The following RAD51AP1 variants were observed in gnomAD, a reference collection of about 807,000 sequenced individuals.
RAD51AP1 encodes RAD51 associated protein 1.
RAD51AP1 carries 14 observed loss-of-function variants against 34.3 expected under a neutral mutation model. The observed-to-expected ratio is 0.41, with a 90% CI of 0.27 to 0.64. RAD51AP1 has a LOEUF of 0.64. RAD51AP1 is among the 30% of genes least tolerant of loss of function. The pLI, the probability that RAD51AP1 is intolerant of heterozygous loss-of-function variation, is 0.33. For missense variants in RAD51AP1, 348 were observed against 386.9 expected, an observed-to-expected ratio of 0.90 and a Z score of 0.84; for synonymous variants, 114 against 129.8, an observed-to-expected ratio of 0.88 and a Z score of 0.83.
chr12:4,541,886 A>G lies in RAD51AP1; in HGVS notation c.20A>G (p.His7Arg), dbSNP rs536774925. 2.0e-6 allele frequency: 3 copies of G among 1,507,296 alleles called. No homozygotes were observed. The highest frequency in any genetic ancestry group is 2.0e-5 in the Admixed American group (1 of 50,614). The allele number at this position is 1,507,296 out of a possible 1,614,324, so 93.4% of individuals were successfully genotyped here. A position where few individuals can be genotyped will look rare whatever the true frequency, so the allele number is the denominator to read the frequency against. Residue 7 changes from histidine to arginine, a missense_variant and splice_region_variant, in exon 2 of 9, where the codon CAT becomes CGT. Coordinates refer to ENST00000352618, the MANE Select transcript of RAD51AP1 (RefSeq NM_006479.5). MVRPVR[H>R]KKPVNYSQFD... Reference sequence around the variant, plus strand: ...AAAAAATTCTGTTTTGGTCATAGACATAAGAAACCAGTCAATTACTCACAG... The same window carrying G: ...AAAAAATTCTGTTTTGGTCATAGACGTAAGAAACCAGTCAATTACTCACAG...
intron 6 of RAD51AP1, among the ~76,000 whole-genome samples, chr12:4,549,097 T>C (rs1217590008): frequency 6.6e-6 from 1 of 152,224 alleles, no homozygotes; most frequent in Non-Finnish European, 1.5e-5. Flanking sequence ...AGAAAGGCAT[T>C]ACCTGTGGAA....
intron 6 of RAD51AP1, among the ~76,000 whole-genome samples, chr12:4,550,249 T>C (rs556470178): frequency 1.3e-5 from 2 of 152,244 alleles, no homozygotes; most frequent in Non-Finnish European, 2.9e-5. Flanking sequence ...CTGAACAAGC[T>C]TGTTACACAG....
At position 4,559,997 on chromosome 12, in the gene RAD51AP1, T is replaced by A. The variant is rs1452613046; in HGVS notation, c.*1004T>A. Reference sequence around the variant, plus strand: ...TCTTGGTTTATGGAAATATCTATATTAATGTGAAAATAATTAATTTAGAAT... The same window carrying A: ...TCTTGGTTTATGGAAATATCTATATAAATGTGAAAATAATTAATTTAGAAT... On this transcript the variant is annotated 3_prime_UTR_variant, in exon 9 of 9. Transcript: ENST00000352618. 2 of 152,248 alleles carry A rather than the reference T, an allele frequency of 1.3e-5. No homozygotes were observed. Among genetic ancestry groups the A allele is most frequent in the African/African-American group, 4.8e-5 (2 of 41,450 alleles). The allele number at this position is 152,248 out of a possible 1,614,324, so 9.4% of individuals were successfully genotyped here.
intron 4 of RAD51AP1, among the ~76,000 whole-genome samples, chr12:4,546,938 A>C (rs1321749232): frequency 2.0e-5 from 3 of 152,326 alleles, no homozygotes; most frequent in Non-Finnish European, 2.9e-5. Context: ...ATTATTCCTG[A>C]AAAAGATACT....
Position 4,546,333 on chromosome 12 carries a change from C to T in RAD51AP1, c.234C>T (p.Tyr78=). ...KKRMALDDKL[Y]QRDLEVALAL... ...GGATGGCTTTAGATGACAAGCTCTA[C>T]CAGAGAGACTTAGAAGTTGCACTAG... is the stretch of plus-strand genomic sequence containing the variant. Residue 78 remains tyrosine, a synonymous_variant, in exon 4 of 9, where the codon TAC becomes TAT. Coordinates refer to ENST00000352618, the MANE Select transcript of RAD51AP1 (RefSeq NM_006479.5). 1 of 1,611,422 alleles carries T rather than the reference C, an allele frequency of 6.2e-7. No homozygotes were observed. The highest frequency in any genetic ancestry group is 8.5e-7 in the Non-Finnish European group (1 of 1,178,860).
chr12:4,542,640 TG>T (rs970712841), intron 2 of RAD51AP1, among the ~76,000 whole-genome samples: 1 of 150,234 alleles, frequency 6.7e-6, no homozygotes, highest in Non-Finnish European at 1.5e-5. Context: ...TAGTAGTAGG[TG>T]GGGGGAGTCC....
chr12:4,548,914 A>C (rs1944526408), intron 6 of RAD51AP1, 78 bp downstream of exon 6: 1 of 1,493,004 alleles, frequency 6.7e-7, no homozygotes, highest in Admixed American at 1.8e-5. Context: ...AATTGTGCAA[A>C]GCACTGTGTT....
chr12:4,543,032 G>T (rs1944479692), intron 2 of RAD51AP1, among the ~76,000 whole-genome samples: 1 of 152,078 alleles, frequency 6.6e-6, no homozygotes, highest in Non-Finnish European at 1.5e-5. Context: ...CTCTAGCATG[G>T]TTAATGTACT....
At chr12:4,540,093 C>G (rs1361644030) in intron 1 of RAD51AP1, among the ~76,000 whole-genome samples, 3 of 152,108 alleles carry the variant, frequency 2.0e-5, no homozygotes, top group Non-Finnish European at 4.4e-5. Flanking sequence ...ACAGAACTTG[C>G]TGATGAAGTA....
At chr12:4,553,651 T>A (rs1411485617) in intron 7 of RAD51AP1, among the ~76,000 whole-genome samples, 2 of 148,604 alleles carry the variant, frequency 1.3e-5, no homozygotes, top group Non-Finnish European at 3.0e-5. Flanking sequence ...TTTTTTTTTT[T>A]ATTTCCCCAA....
intron 5 of RAD51AP1, 30 bp downstream of exon 5, chr12:4,548,208 A>C (rs370470556): frequency 1.3e-5 from 21 of 1,582,282 alleles, no homozygotes; most frequent in Non-Finnish European, 1.8e-5. Flanking sequence ...AATTTTTCTC[A>C]TCAACAATGC....
chr12:4,539,106 C>G (rs927438558), intron 1 of RAD51AP1, 150 bp downstream of exon 1: 1 of 815,604 alleles, frequency 1.2e-6, no homozygotes, highest in Admixed American at 2.7e-5. Context: ...GTGAGAGCCA[C>G]CCGTTGCTCA....
In RAD51AP1 at chr12:4,546,341, A is replaced by C. The variant is rs754736410; in HGVS notation, c.242A>C (p.Asp81Ala). The change falls in exon 4 of 9, where the codon GAC becomes GCC. Residue 81 changes from aspartate (D) to alanine (A), a missense_variant. Asp to Ala is a moderately radical substitution (Grantham distance 126, BLOSUM62 -2). Transcript: ENST00000352618. ...TTAGATGACAAGCTCTACCAGAGAGACTTAGAAGTTGCACTAGCTTTATCA... is the reference window on the plus strand; with the variant it reads ...TTAGATGACAAGCTCTACCAGAGAGCCTTAGAAGTTGCACTAGCTTTATCA... Reference protein sequence around the residue: ...MALDDKLYQRDLEVALALSVK... With the variant: ...MALDDKLYQRALEVALALSVK... 6.2e-7 allele frequency: 1 copy of C among 1,612,420 alleles called. No homozygotes were observed. The highest frequency in any genetic ancestry group is 1.3e-5 in the African/African-American group (1 of 75,010).
In RAD51AP1 at chr12:4,558,841, A is replaced by T; in HGVS notation, c.872-16A>T. 1 of 1,613,434 alleles carries T rather than the reference A, an allele frequency of 6.2e-7. No homozygotes were observed. Among genetic ancestry groups the T allele is most frequent in the Non-Finnish European group, 8.5e-7 (1 of 1,179,688 alleles). On this transcript the variant is annotated splice_polypyrimidine_tract_variant and intron_variant, in intron 8 of 8. Coordinates refer to ENST00000352618, the MANE Select transcript of RAD51AP1 (RefSeq NM_006479.5). ...TTTCTGACATCATCAGCATCACATC[A>T]TATGTTTCCTTTCAGCGGCATCTGG...
At chr12:4,556,603 T>C in intron 8 of RAD51AP1, 101 bp downstream of exon 8, 2 of 1,367,018 alleles carry the variant, frequency 1.5e-6, no homozygotes, top group South Asian at 1.4e-5. Flanking sequence ...CCCCATATTA[T>C]TACATATTCT....
chr12:4,545,966 T>C, intron 3 of RAD51AP1: 1 of 1,045,486 alleles, frequency 9.6e-7, no homozygotes. Context: ...GGAAGAGTTT[T>C]AAGTGGAAGT....
In RAD51AP1 at chr12:4,559,997, TA is replaced by T. The variant is rs1225612124; in HGVS notation, c.*1006del. Reference sequence around the variant, plus strand: ...TCTTGGTTTATGGAAATATCTATATTAATGTGAAAATAATTAATTTAGAATT... The same window carrying T: ...TCTTGGTTTATGGAAATATCTATATTATGTGAAAATAATTAATTTAGAATT... On this transcript the variant is annotated 3_prime_UTR_variant, in exon 9 of 9. Transcript: ENST00000352618. The T allele has an allele frequency of 6.6e-6, 1 of 152,248 alleles. No individual in the cohort carries two copies. Among genetic ancestry groups the T allele is most frequent in the African/African-American group, 2.4e-5 (1 of 41,450 alleles). 9.4% of individuals were successfully genotyped at this position (152,248 alleles called of 1,614,324 possible). A position where few individuals can be genotyped will look rare whatever the true frequency, so the allele number is the denominator to read the frequency against.
In RAD51AP1 at chr12:4,547,941, T is replaced by C. The variant is rs140670074; in HGVS notation, c.320-151T>C. 3.5e-3 allele frequency: 2,836 copies of C among 806,856 alleles called. 22 individuals carry two copies. The highest frequency in any genetic ancestry group is 3.8e-3 in the Non-Finnish European group (2,072 of 544,238). The allele number at this position is 806,856 out of a possible 1,614,324, so 50.0% of individuals were successfully genotyped here. On this transcript the variant is annotated intron_variant, in intron 4 of 8. Coordinates refer to ENST00000352618, the MANE Select transcript of RAD51AP1 (RefSeq NM_006479.5). ...TTCAGAGCCCAGACTTCTAACCATATGTTAACCTCTCTGAATAAAATTATT... is the reference window on the plus strand; with the variant it reads ...TTCAGAGCCCAGACTTCTAACCATACGTTAACCTCTCTGAATAAAATTATT...
At chr12:4,539,914 T>G (rs1262286052) in intron 1 of RAD51AP1, among the ~76,000 whole-genome samples, 1 of 152,090 alleles carries the variant, frequency 6.6e-6, no homozygotes, top group African/African-American at 2.4e-5. Context: ...TAAGTTTGCT[T>G]TTATAAAGGT....
Sources: gnomAD v4.1 joint callset for allele counts (sites outside exome capture counted in the v4.1 genomes callset) on GRCh38, gnomAD v4.1.1 for gene constraint, MANE v1.5 for transcripts, NCBI Gene and HGNC (gene_info 2026-07-23, HGNC 2026-07-21) for gene names.